Variants in C6orf120 observed in about 807,000 individuals in gnomAD.
C6orf120 encodes the protein chromosome 6 open reading frame 120.
For missense variants in C6orf120, 311 were observed against 264.2 expected (o/e 1.18, Z -1.23); for synonymous variants, 165 against 123.1 (o/e 1.34, Z -2.25).
chr6:169,702,233 C>T (rs2128326198), exon 1 of C6orf120: 1 of 691,230 alleles, frequency 1.4e-6, no homozygotes, highest in Admixed American at 2.0e-5. Context: ...CTGCCCCTGC[C>T]CCTGCCCCTG....
At chr6:169,702,181 C>T (rs765681995), upstream of C6orf120, 9 of 660,484 alleles carry the variant, frequency 1.4e-5, no homozygotes, top group Admixed American at 4.1e-5. Context: ...AGCGCGGCCC[C>T]CTGCGGGGAG....
At chr6:169,702,856 G>A in exon 1 of C6orf120, 2 of 1,612,012 alleles carry the variant, frequency 1.2e-6, no homozygotes, top group Non-Finnish European at 1.7e-6. Context: ...CGAGATGAAG[G>A]TGTACTACGA....
Position 169,702,327 on chromosome 6 carries a change from C to T in C6orf120, c.-133C>T, listed in dbSNP as rs929239386. 27 of 645,784 alleles carry T rather than the reference C, an allele frequency of 4.2e-5. No homozygotes were observed. The Middle Eastern group carries it at 1.2e-3, about 29-fold the overall frequency. 40.0% of individuals were successfully genotyped at this position (645,784 alleles called of 1,614,324 possible). ...TCACGCGGGTGGGAAGGGACAGTCC[C>T]AGCGACAGACCAGGCGCCTGGACGC... On this transcript the variant is annotated 5_prime_UTR_variant, in exon 1 of 1. Coordinates refer to ENST00000332290, the Ensembl canonical transcript of C6orf120.
At chr6:169,702,363 C>A in exon 1 of C6orf120, 1 of 749,322 alleles carries the variant, frequency 1.3e-6, no homozygotes, top group Non-Finnish European at 2.1e-6. Flanking sequence ...GCCGTGGACC[C>A]GCGTGCGGAC....
chr6:169,704,282 T>C (rs1237015919), exon 1 of C6orf120: 7 of 514,652 alleles, frequency 1.4e-5, no homozygotes, highest in Admixed American at 1.3e-4. Flanking sequence ...CCATGCAAAA[T>C]TCATTGCAAG....
chr6:169,702,217 G>T (rs565029181), exon 1 of C6orf120: 1 of 685,328 alleles, frequency 1.5e-6, no homozygotes, highest in Non-Finnish European at 2.7e-6. Flanking sequence ...GGGTGCCACA[G>T]CGGCCCTGCC....
At chr6:169,702,729 C>G (rs759085649) in exon 1 of C6orf120, 5 of 1,613,528 alleles carry the variant, frequency 3.1e-6, no homozygotes, top group Admixed American at 3.3e-5. Flanking sequence ...CCAGCTTCGA[C>G]GACTACGAGC....
chr6:169,705,997 A>C (rs1301996737), downstream of C6orf120, among the ~76,000 whole-genome samples: 1 of 152,220 alleles, frequency 6.6e-6, no homozygotes, highest in African/African-American at 2.4e-5. Flanking sequence ...GATTTGTTTA[A>C]TGAATGGAAG....
downstream of C6orf120, chr6:169,705,411 G>A: frequency 1.1e-6 from 1 of 896,432 alleles, no homozygotes; most frequent in Admixed American, 2.4e-5. Context: ...AGGACTTCCA[G>A]AGAATGGCTA....
chr6:169,702,940 G>A (rs1319943297), exon 1 of C6orf120: 3 of 1,611,862 alleles, frequency 1.9e-6, no homozygotes, highest in Non-Finnish European at 2.5e-6. Flanking sequence ...CCAGAAGCAC[G>A]CTGGTGCCCC....
At chr6:169,704,928 A>C (rs939913428), downstream of C6orf120, 3 of 422,180 alleles carry the variant, frequency 7.1e-6, no homozygotes, top group Admixed American at 8.4e-5. Context: ...TAGCAGGGGC[A>C]TTCTGGCCTT....
At chr6:169,705,755 T>G (rs369544131), downstream of C6orf120, 23 of 1,034,446 alleles carry the variant, frequency 2.2e-5, no homozygotes, top group African/African-American at 2.7e-4. Flanking sequence ...TATAAATTCA[T>G]GCCAGAAGAG....
At chr6:169,702,948 C>T (rs1451664637) in exon 1 of C6orf120, 10 of 1,610,756 alleles carry the variant, frequency 6.2e-6, no homozygotes, top group Non-Finnish European at 8.5e-6. Flanking sequence ...ACGCTGGTGC[C>T]CCGGAAGACG....
chr6:169,702,320 A>G, exon 1 of C6orf120: 1 of 651,344 alleles, frequency 1.5e-6, no homozygotes, highest in Non-Finnish European at 2.7e-6. Context: ...GTGGGAAGGG[A>G]CAGTCCCAGC....
chr6:169,702,703 G>A, exon 1 of C6orf120: 1 of 1,613,460 alleles, frequency 6.2e-7, no homozygotes, highest in Non-Finnish European at 8.5e-7. Flanking sequence ...GTACGTCTCC[G>A]CCAGCAGCCT....
At chr6:169,705,405 C>G, downstream of C6orf120, 2 of 953,128 alleles carry the variant, frequency 2.1e-6, no homozygotes. Context: ...TGCTTTAGGA[C>G]TTCCAGAGAA....
At chr6:169,702,724 T>C (rs922145805) in exon 1 of C6orf120, 3 of 1,613,426 alleles carry the variant, frequency 1.9e-6, no homozygotes, top group South Asian at 2.2e-5. Flanking sequence ...GCACCCCAGC[T>C]TCGACGACTA....
chr6:169,702,543 C>T (rs1355095824), exon 1 of C6orf120: 1 of 1,612,266 alleles, frequency 6.2e-7, no homozygotes, highest in South Asian at 1.1e-5. Context: ...CTCCGGGAAG[C>T]TGCGCGGACG....
chr6:169,702,750 C>A, exon 1 of C6orf120: 1 of 1,613,424 alleles, frequency 6.2e-7, no homozygotes, highest in Non-Finnish European at 8.5e-7. Flanking sequence ...TGCAATCGGC[C>A]ACCTGCGGCC....
Sources: allele counts gnomAD v4.1 joint callset (sites outside exome capture counted in the v4.1 genomes callset), GRCh38; gene constraint gnomAD v4.1.1; transcripts MANE v1.5; gene names NCBI Gene and HGNC (gene_info 2026-07-23, HGNC 2026-07-21).